Variants in LRPPRC observed in about 807,000 individuals in gnomAD.
LRPPRC encodes the protein leucine-rich PPR motif-containing protein, mitochondrial.
In LRPPRC, 120 loss-of-function variants were observed where a neutral mutation model predicts 180.3. The observed-to-expected ratio is 0.67, with a 90% confidence interval of 0.57 to 0.77. The LOEUF (loss-of-function observed/expected upper bound fraction) is 0.77. Among genes scored for constraint, LRPPRC ranks in the 30% least tolerant of loss-of-function variants. The pLI is 0.00. For missense variants in LRPPRC, 2,012 were observed against 1,657.2 expected (o/e 1.21, Z -3.72); for synonymous variants, 723 against 600.0 (o/e 1.21, Z -3.00).
At chr2:43,973,982 A>C in intron 9 of LRPPRC, 82 bp from the exon 10 acceptor site, 1 of 1,109,116 alleles carries the variant, frequency 9.0e-7, no homozygotes, top group Non-Finnish European at 1.4e-6. Context: ...ACCACTTCTG[A>C]GATGAGCATT....
At position 43,943,754 on chromosome 2, in the gene LRPPRC, C is replaced by A. The variant is rs754986788; in HGVS notation, c.2437G>T (p.Val813Leu). 1 of 1,613,430 alleles carries A rather than the reference C, an allele frequency of 6.2e-7. No individual in the cohort carries two copies. The highest frequency in any genetic ancestry group is 1.3e-5 in the African/African-American group (1 of 74,894). The change falls in exon 23 of 38, where the codon GTG (valine) becomes TTG (leucine). Residue 813 changes from valine to leucine, a missense_variant. By Grantham distance (32) the Val-to-Leu change is conservative. Transcript: ENST00000260665. ...ETVKQLHEAI[V>L]TLGLAEPSTN... The stretch of plus-strand genomic sequence containing the variant: ...GATGGTTCTGCTAACCCTAGAGTCA[C>A]GATGGCTTCATGCAACTGTTTTACT...
intron 1 of LRPPRC, among the ~76,000 whole-genome samples, chr2:43,990,911 T>A (rs944065350): frequency 7.3e-5 from 11 of 151,354 alleles, no homozygotes; most frequent in Non-Finnish European, 1.3e-4. Context: ...AATGGCGTGA[T>A]CTCGGCTCAC....
At chr2:43,986,692 CAGACGGTCTCATTCTG>C (rs77432333) in intron 1 of LRPPRC, among the ~76,000 whole-genome samples, 31,111 of 152,068 alleles carry the variant, frequency 0.2, 3,975 homozygotes, top group African/African-American at 0.35. Context: ...GGTTAGCACT[CAGACGGTCTCATTCTG>C]AGACGGTCTC....
At chr2:43,938,881 C>T (rs115258830) in intron 23 of LRPPRC, among the ~76,000 whole-genome samples, 2,584 of 147,666 alleles carry the variant, frequency 0.017, 36 homozygotes, top group Non-Finnish European at 0.028. Context: ...AAAACAACCA[C>T]GAGTGACAAC....
Position 43,918,260 on chromosome 2 carries a change from G to A in LRPPRC, c.3035C>T (p.Pro1012Leu), listed in dbSNP as rs1488765694. 3 of 1,613,032 alleles carry A rather than the reference G, an allele frequency of 1.9e-6. No homozygotes were observed. Among genetic ancestry groups the A allele is most frequent in the Non-Finnish European group, 2.5e-6 (3 of 1,179,226 alleles). ...GATTATGCCAAAAACAATTACCTCA[G>A]GTACGTCAAACGGAACTTCCTGGTT... ...EGNQEVPFDV[P>L]ELWYEDEKHS... The change falls in exon 28 of 38, where the codon CCT becomes CTT. Residue 1012 changes from proline (P) to leucine (L), a missense_variant. Coordinates refer to ENST00000260665, the MANE Select transcript of LRPPRC (RefSeq NM_133259.4).
intron 11 of LRPPRC, among the ~76,000 whole-genome samples, chr2:43,970,753 T>C (rs1302289453): frequency 6.6e-6 from 1 of 152,202 alleles, no homozygotes; most frequent in Non-Finnish European, 1.5e-5. Context: ...CCACAGGATT[T>C]TACACTCTAG....
intron 25 of LRPPRC, among the ~76,000 whole-genome samples, chr2:43,929,829 T>C (rs886347737): frequency 1.3e-5 from 2 of 152,200 alleles, no homozygotes; most frequent in East Asian, 3.9e-4. Flanking sequence ...TAACAAACTA[T>C]CATGAACTAA....
At chr2:43,890,755 A>G (rs1026846325) in intron 36 of LRPPRC, among the ~76,000 whole-genome samples, 4 of 152,204 alleles carry the variant, frequency 2.6e-5, no homozygotes, top group Non-Finnish European at 5.9e-5. Context: ...GACATTAACA[A>G]GTTACACTAG....
In LRPPRC at chr2:43,992,084, C is replaced by CAT. The variant is rs201216847; in HGVS notation, c.149+3714_149+3715insAT. Among the ~76,000 whole-genome samples, 898 of 152,148 alleles carry CAT rather than the reference C, an allele frequency of 5.9e-3. 10 individuals carry two copies. Among genetic ancestry groups the CAT allele is most frequent in the African/African-American group, 0.021 (854 of 41,508 alleles). ...CAGCTCCAGAGTGTTGGTGAGTGCA[C>CAT]GTCATAGTGTTAATGGGTGCTTTAG... is the stretch of plus-strand genomic sequence containing the variant. On this transcript the variant is annotated intron_variant, in intron 1 of 37. Coordinates refer to ENST00000260665, the MANE Select transcript of LRPPRC (RefSeq NM_133259.4).
At chr2:43,937,403 T>C (rs905270142) in intron 23 of LRPPRC, among the ~76,000 whole-genome samples, 1 of 152,186 alleles carries the variant, frequency 6.6e-6, no homozygotes, top group Admixed American at 6.5e-5. Flanking sequence ...TAATTCGGAC[T>C]TGTGGTTGGA....
intron 25 of LRPPRC, 73 bp from the exon 26 acceptor site, chr2:43,926,034 GTTTCT>G (rs967692718): frequency 8.2e-5 from 73 of 891,626 alleles, no homozygotes; most frequent in African/African-American, 7.1e-4. Context: ...CTCAAAGACA[GTTTCT>G]TTTCTTATGA....
At chr2:43,928,954 G>A (rs544991767) in intron 25 of LRPPRC, among the ~76,000 whole-genome samples, 2 of 152,164 alleles carry the variant, frequency 1.3e-5, no homozygotes, top group African/African-American at 2.4e-5. Flanking sequence ...GCAAATAGTC[G>A]ATTAACACAT....
At chr2:43,912,038 T>A (rs909615648) in intron 30 of LRPPRC, among the ~76,000 whole-genome samples, 1 of 152,140 alleles carries the variant, frequency 6.6e-6, no homozygotes, top group African/African-American at 2.4e-5. Context: ...CACAGAACTT[T>A]TAAGTAAGAT....
In LRPPRC at chr2:43,989,264, T is replaced by G. The variant is rs906058483; in HGVS notation, c.149+6535A>C. ...TTAGCTGCCCCAGTTTTATGCTTTATGGTAAATCACAGAATTTTAGACTAA... is the reference window on the plus strand; with the variant it reads ...TTAGCTGCCCCAGTTTTATGCTTTAGGGTAAATCACAGAATTTTAGACTAA... On this transcript the variant is annotated intron_variant, in intron 1 of 37. Transcript: ENST00000260665. Among the ~76,000 whole-genome samples the G allele has an allele frequency of 2.0e-5, 3 of 152,352 alleles. No homozygotes were observed. The East Asian group carries it at 5.8e-4, about 29-fold the overall frequency.
intron 23 of LRPPRC, among the ~76,000 whole-genome samples, chr2:43,937,630 A>G (rs1195763593): frequency 1.3e-5 from 2 of 152,232 alleles, no homozygotes; most frequent in Non-Finnish European, 2.9e-5. Flanking sequence ...CAGCTGTAGC[A>G]ACGTGATACA....
At chr2:43,953,922 C>A (rs576809071) in intron 14 of LRPPRC, among the ~76,000 whole-genome samples, 2 of 152,314 alleles carry the variant, frequency 1.3e-5, no homozygotes, top group African/African-American at 2.4e-5. Context: ...GTAATCCCAG[C>A]ACTTTGGGAG....
chr2:43,963,863 AATG>A, intron 11 of LRPPRC, 157 bp from the exon 12 acceptor site: 1 of 652,996 alleles, frequency 1.5e-6, no homozygotes, highest in East Asian at 2.6e-5. Flanking sequence ...TGTGAGATAC[AATG>A]ATAAAAAAAT....
At chr2:43,928,544 T>G (rs1019272269) in intron 25 of LRPPRC, among the ~76,000 whole-genome samples, 1 of 151,830 alleles carries the variant, frequency 6.6e-6, no homozygotes. Context: ...CTAGTTAACA[T>G]AGTAGGAGGA....
intron 1 of LRPPRC, among the ~76,000 whole-genome samples, chr2:43,992,113 T>C (rs879494315): frequency 5.3e-5 from 8 of 152,114 alleles, no homozygotes; most frequent in African/African-American, 1.9e-4. Context: ...GCTTTAGTGA[T>C]ACACGGTCTA....
Sources: gnomAD v4.1 joint callset for allele counts (sites outside exome capture counted in the v4.1 genomes callset) on GRCh38, gnomAD v4.1.1 for gene constraint, MANE v1.5 for transcripts, NCBI Gene and HGNC (gene_info 2026-07-23, HGNC 2026-07-21) for gene names.